PTPRM: variants seen among roughly 807,000 people sequenced by gnomAD.
PTPRM encodes protein tyrosine phosphatase receptor type M.
PTPRM carries 47 observed loss-of-function variants against 186.7 expected under a neutral mutation model. The observed-to-expected ratio is 0.25, with a 90% CI of 0.20 to 0.32. PTPRM has a LOEUF of 0.32. Ranked by LOEUF, PTPRM falls within the 10% of genes least tolerant of loss-of-function variation. The pLI, the probability that PTPRM is intolerant of heterozygous loss-of-function variation, is 1.00. For missense variants in PTPRM, 1,494 were observed against 1,865.0 expected (o/e 0.80, Z 3.66); for synonymous variants, 668 against 674.9 (o/e 0.99, Z 0.16).
chr18:7,590,966 G>A (rs1037082082), intron 1 of PTPRM, among the ~76,000 whole-genome samples: 7 of 152,186 alleles, frequency 4.6e-5, no homozygotes, highest in South Asian at 2.1e-4. Context: ...ATCCATGAGT[G>A]TTTAACTCAG....
At chr18:7,614,641 A>G (rs2037757978) in intron 1 of PTPRM, among the ~76,000 whole-genome samples, 1 of 152,218 alleles carries the variant, frequency 6.6e-6, no homozygotes, top group Non-Finnish European at 1.5e-5. Context: ...AAACATCCAG[A>G]TGCATTTTGT....
At chr18:8,302,262 C>T (rs144380816) in intron 20 of PTPRM, among the ~76,000 whole-genome samples, 68 of 152,140 alleles carry the variant, frequency 4.5e-4, no homozygotes, top group South Asian at 1.3e-3. Flanking sequence ...CAAGAGGGGA[C>T]GGAGCAGGGA....
intron 1 of PTPRM, among the ~76,000 whole-genome samples, chr18:7,737,451 G>C (rs571472089): frequency 6.6e-6 from 1 of 152,350 alleles, no homozygotes; most frequent in South Asian, 2.1e-4. Context: ...CAGTGAATTT[G>C]AAACCCGTAT....
intron 2 of PTPRM, among the ~76,000 whole-genome samples, chr18:7,816,657 T>C (rs934905759): frequency 2.0e-5 from 3 of 152,216 alleles, no homozygotes; most frequent in Non-Finnish European, 4.4e-5. Context: ...ACATCCTCCA[T>C]TGAATTTACT....
intron 1 of PTPRM, among the ~76,000 whole-genome samples, chr18:7,621,397 A>C (rs1027538259): frequency 6.6e-6 from 1 of 151,792 alleles, no homozygotes; most frequent in African/African-American, 2.4e-5. Context: ...CCACACATGC[A>C]TAGCCCCCCA....
chr18:7,651,045 C>T (rs2038691107), intron 1 of PTPRM, among the ~76,000 whole-genome samples: 1 of 151,534 alleles, frequency 6.6e-6, no homozygotes, highest in Non-Finnish European at 1.5e-5. Flanking sequence ...GATTTTCCTG[C>T]CTCAGCCTCC....
At chr18:8,075,688 A>G (rs1175316251) in intron 8 of PTPRM, among the ~76,000 whole-genome samples, 2 of 152,080 alleles carry the variant, frequency 1.3e-5, no homozygotes, top group African/African-American at 4.8e-5. Context: ...AATGGCATCA[A>G]ACTTCCCCCA....
chr18:7,567,786 C>T lies in PTPRM; in HGVS notation c.-33C>T, dbSNP rs2036460573. On this transcript the variant is annotated 5_prime_UTR_variant, in exon 1 of 33. Transcript: ENST00000580170. The surrounding 1 kb of genome is among the most constrained non-coding windows in gnomAD (Gnocchi z 4.3). ...CCGCCCTCGCGCGCCCACCCACCGC[C>T]GCCGGGGAGCGGCCCGGCCCGCACT... 3 of 1,510,696 alleles carry T rather than the reference C, an allele frequency of 2.0e-6. No individual in the cohort carries two copies. In the South Asian group the frequency reaches 3.8e-5, roughly 19 times the overall value. The allele number at this position is 1,510,696 out of a possible 1,614,324, so 93.6% of individuals were successfully genotyped here.
chr18:7,745,829 T>C (rs2144550624), intron 1 of PTPRM, among the ~76,000 whole-genome samples: 1 of 152,338 alleles, frequency 6.6e-6, no homozygotes, highest in South Asian at 2.1e-4. Flanking sequence ...GGCTGAGAAT[T>C]TTGATATCAG....
chr18:8,029,621 T>A (rs534727599), intron 7 of PTPRM, among the ~76,000 whole-genome samples: 2 of 152,362 alleles, frequency 1.3e-5, no homozygotes, highest in East Asian at 3.9e-4. Context: ...TTGTATCTTG[T>A]ATATGCCTCT....
At chr18:7,948,978 C>T (rs1044616166) in intron 5 of PTPRM, among the ~76,000 whole-genome samples, 11 of 152,270 alleles carry the variant, frequency 7.2e-5, no homozygotes, top group South Asian at 4.1e-4. Flanking sequence ...AATTTTGCAT[C>T]GCTCAGTCTT....
In PTPRM at chr18:7,979,368, A is replaced by G. The variant is rs983729987; in HGVS notation, c.1132+23954A>G. On this transcript the variant is annotated intron_variant, in intron 7 of 32. Coordinates refer to ENST00000580170, the MANE Select transcript of PTPRM (RefSeq NM_001105244.2). ...GAGGCAGAAATTACAATAGTTGGCA[A>G]TTTGTAATTCTTACCGATAGGTTCA... 1.4e-4 allele frequency among the ~76,000 whole-genome samples: 22 copies of G among 152,326 alleles called. No individual in the cohort carries two copies. In the South Asian group the frequency reaches 1.5e-3, roughly 10 times the overall value.
intron 22 of PTPRM, among the ~76,000 whole-genome samples, chr18:8,340,760 G>A (rs1403898200): frequency 2.6e-5 from 4 of 152,280 alleles, no homozygotes; most frequent in Middle Eastern, 3.4e-3. Flanking sequence ...ACTGGAAGAC[G>A]AAGCCGATGT....
At chr18:7,735,234 T>TTGTC (rs1287776511) in intron 1 of PTPRM, among the ~76,000 whole-genome samples, 12 of 152,010 alleles carry the variant, frequency 7.9e-5, no homozygotes, top group Non-Finnish European at 5.9e-5. Flanking sequence ...CTGGCCAACA[T>TTGTC]AGTGACACCC....
At chr18:8,249,196 T>C (rs541044775) in intron 17 of PTPRM, among the ~76,000 whole-genome samples, 1 of 152,196 alleles carries the variant, frequency 6.6e-6, no homozygotes. Context: ...TCCAACATGA[T>C]TTTTCCCCCC....
At chr18:7,848,610 TA>T (rs764027110) in intron 2 of PTPRM, among the ~76,000 whole-genome samples, 238 of 144,068 alleles carry the variant, frequency 1.7e-3, no homozygotes, top group Middle Eastern at 0.01. Context: ...TGTCTCTACT[TA>T]AAAAAAAAAA....
chr18:8,196,187 G>A (rs1188110085), intron 14 of PTPRM, among the ~76,000 whole-genome samples: 1 of 152,210 alleles, frequency 6.6e-6, no homozygotes, highest in African/African-American at 2.4e-5. Flanking sequence ...TCTTGCCTCA[G>A]CATTTCTTAA....
intron 14 of PTPRM, among the ~76,000 whole-genome samples, chr18:8,193,411 C>G (rs1182455041): frequency 6.6e-6 from 1 of 152,128 alleles, no homozygotes; most frequent in East Asian, 1.9e-4. Flanking sequence ...TTCTTCTTTC[C>G]AATTTTATAC....
chr18:7,997,279 C>T (rs1027357742), intron 7 of PTPRM, among the ~76,000 whole-genome samples: 3 of 152,016 alleles, frequency 2.0e-5, no homozygotes, highest in African/African-American at 7.2e-5. Flanking sequence ...CAAGAGCATA[C>T]GATAGGGAGA....
Sources: allele counts gnomAD v4.1 joint callset (sites outside exome capture counted in the v4.1 genomes callset), GRCh38; gene constraint gnomAD v4.1.1; non-coding constraint Gnocchi (gnomAD v3.1); transcripts MANE v1.5; gene names NCBI Gene and HGNC (gene_info 2026-07-23, HGNC 2026-07-21).